The following RBM47 variants were observed in gnomAD, a reference collection of about 807,000 sequenced individuals.
The protein encoded by RBM47 is RNA binding motif protein 47, also known as RNA-binding protein 47.
In RBM47, 21 loss-of-function variants were observed where a neutral mutation model predicts 47.1. The ratio of observed to expected loss-of-function variants is 0.45; its 90% CI spans 0.32 to 0.64. RBM47 has a LOEUF of 0.64. Among genes scored for constraint, RBM47 ranks in the 30% least tolerant of loss-of-function variants. RBM47 has a pLI of 0.05. For missense variants in RBM47, 708 were observed against 870.9 expected, an observed-to-expected ratio of 0.81 and a Z score of 2.35; for synonymous variants, 375 against 361.7, an observed-to-expected ratio of 1.04 and a Z score of -0.42.
chr4:40,471,193 C>A (rs1288484016), intron 2 of RBM47, among the ~76,000 whole-genome samples: 1 of 152,160 alleles, frequency 6.6e-6, no homozygotes, highest in African/African-American at 2.4e-5. Flanking sequence ...TGGCATGCTA[C>A]ACAACTTTCT....
chr4:40,615,158 T>C (rs917522127), intron 1 of RBM47, among the ~76,000 whole-genome samples: 18 of 151,944 alleles, frequency 1.2e-4, no homozygotes, highest in African/African-American at 4.4e-4. Context: ...TAAGAAACCA[T>C]GCATGGCATA....
rs767499189 is a variant in RBM47, at chr4:40,438,841, G to A, written c.53C>T (p.Ser18Phe). The part of the protein sequence containing the change: ...AAMSSDSAAG[S>F]SAKVPEGVAG... Reference sequence around the variant, plus strand: ...CACGCCCTCGGGCACCTTGGCGGAGGACCCGGCGGCCGAGTCACTGCTCAT... The same window carrying A: ...CACGCCCTCGGGCACCTTGGCGGAGAACCCGGCGGCCGAGTCACTGCTCAT... The change falls in exon 4 of 7, where the codon TCC (serine) becomes TTC (phenylalanine). Residue 18 changes from serine (S) to phenylalanine (F), a missense_variant. By Grantham distance (155) the Ser-to-Phe change is radical. Transcript: ENST00000295971. 7.1e-6 allele frequency: 11 copies of A among 1,558,060 alleles called. No homozygotes were observed. The highest frequency in any genetic ancestry group is 2.3e-5 in the East Asian group (1 of 43,278).
chr4:40,586,575 G>A (rs934976079), intron 1 of RBM47, among the ~76,000 whole-genome samples: 14 of 150,138 alleles, frequency 9.3e-5, no homozygotes, highest in Admixed American at 2.0e-4. Flanking sequence ...TGCATATTCC[G>A]TTCTGGGTTA....
chr4:40,619,614 G>A (rs1042594541), intron 1 of RBM47, among the ~76,000 whole-genome samples: 3 of 152,072 alleles, frequency 2.0e-5, no homozygotes, highest in South Asian at 2.1e-4. Flanking sequence ...CATGCCAAGC[G>A]TTCCCAGCCT....
rs1228668040 is a variant in RBM47, at chr4:40,438,558, G to A, written c.336C>T (p.Gly112=). 6.2e-7 allele frequency: 1 copy of A among 1,613,926 alleles called. No homozygotes were observed. Among genetic ancestry groups the A allele is most frequent in the Admixed American group, 1.7e-5 (1 of 60,026 alleles). The change falls in exon 4 of 7, where the codon GGC becomes GGT. Residue 112 remains glycine (G), a synonymous_variant. Coordinates refer to ENST00000295971, the MANE Select transcript of RBM47 (RefSeq NM_001098634.2). The part of the protein sequence containing the change: ...LMMDFDGKNR[G]YAFVMYCHKH... ...TGTGGCAGTACATGACGAAGGCGTA[G>A]CCGCGGTTCTTGCCGTCAAAGTCCA...
At chr4:40,525,319 G>A (rs979138456) in intron 2 of RBM47, among the ~76,000 whole-genome samples, 4 of 152,054 alleles carry the variant, frequency 2.6e-5, no homozygotes, top group Non-Finnish European at 5.9e-5. Flanking sequence ...TACAAAATAC[G>A]ACTATTAGCA....
chr4:40,423,650 CT>C lies in RBM47; in HGVS notation c.*2253del, dbSNP rs1193309051. 1 of 134,900 alleles carries C rather than the reference CT, an allele frequency of 7.4e-6. No individual in the cohort carries two copies. The highest frequency in any genetic ancestry group is 2.8e-5 in the African/African-American group (1 of 35,402). 8.4% of individuals were successfully genotyped at this position (134,900 alleles called of 1,614,324 possible). A position where few individuals can be genotyped will look rare whatever the true frequency, so the allele number is the denominator to read the frequency against. On this transcript the variant is annotated 3_prime_UTR_variant, in exon 7 of 7. Coordinates refer to ENST00000295971, the MANE Select transcript of RBM47 (RefSeq NM_001098634.2). ...TATCATTTTTTTTTATTCTTTCTTT[CT>C]TTTTCTTTCTTTCTTTCTTTCTTTC...
chr4:40,486,069 CAAAAA>C (rs201408070), intron 2 of RBM47, among the ~76,000 whole-genome samples: 6 of 62,834 alleles, frequency 9.5e-5, no homozygotes, highest in Admixed American at 4.3e-4. Context: ...AACCCTGTTT[CAAAAA>C]AAAAAAAAAA....
chr4:40,563,972 G>A (rs993743674), intron 1 of RBM47, among the ~76,000 whole-genome samples: 2 of 152,182 alleles, frequency 1.3e-5, no homozygotes, highest in Non-Finnish European at 2.9e-5. Context: ...CGGCACTTTG[G>A]GAGGCCAAGG....
chr4:40,598,565 T>C (rs558144573), intron 1 of RBM47, among the ~76,000 whole-genome samples: 2 of 152,100 alleles, frequency 1.3e-5, no homozygotes, highest in East Asian at 3.9e-4. Flanking sequence ...CATAGAACTT[T>C]AAAATGATGC....
At chr4:40,448,270 TGTGTGTGTGAGTGTGA>T (rs1360888699) in intron 3 of RBM47, among the ~76,000 whole-genome samples, 1 of 151,358 alleles carries the variant, frequency 6.6e-6, no homozygotes, top group Admixed American at 6.6e-5. Context: ...TGTGAGAGTG[TGTGTGTGTGAGTGTGA>T]GTGTGTGTGT....
intron 2 of RBM47, among the ~76,000 whole-genome samples, chr4:40,498,213 A>T (rs1372408463): frequency 6.6e-6 from 1 of 151,732 alleles, no homozygotes; most frequent in Non-Finnish European, 1.5e-5. Flanking sequence ...ATGAATACAC[A>T]ATTGGTTTGG....
chr4:40,521,607 C>CT (rs1353463304), intron 2 of RBM47, among the ~76,000 whole-genome samples: 1 of 152,198 alleles, frequency 6.6e-6, no homozygotes, highest in East Asian at 1.9e-4. Flanking sequence ...ATTATGATTG[C>CT]TGTCTCAAGG....
chr4:40,552,059 C>T lies in RBM47; in HGVS notation c.-239-7553G>A, dbSNP rs545087146. On this transcript the variant is annotated intron_variant, in intron 1 of 6. Transcript: ENST00000295971. ...GAGAGCAATCCATCTTTATACAAGA[C>T]CTTGTTTAAAAGAAAAACATAGAGG... 9.2e-5 allele frequency among the ~76,000 whole-genome samples: 14 copies of T among 152,188 alleles called. No homozygotes were observed. In the South Asian group the frequency reaches 2.7e-3, roughly 29 times the overall value.
chr4:40,617,343 G>A (rs925675870), intron 1 of RBM47, among the ~76,000 whole-genome samples: 1 of 152,028 alleles, frequency 6.6e-6, no homozygotes, highest in African/African-American at 2.4e-5. Context: ...CGGATCACAA[G>A]GTCAGGAGAT....
intron 1 of RBM47, among the ~76,000 whole-genome samples, chr4:40,593,211 A>G (rs1373108622): frequency 1.9e-4 from 28 of 147,936 alleles, no homozygotes; most frequent in South Asian, 1.3e-3. Context: ...TGTTAGCCAG[A>G]AGGGTCTCGA....
intron 1 of RBM47, among the ~76,000 whole-genome samples, chr4:40,623,454 T>A (rs1165757848): frequency 6.6e-6 from 1 of 152,198 alleles, no homozygotes; most frequent in South Asian, 2.1e-4. Context: ...CTGTGATTCA[T>A]TGATATTCAC....
chr4:40,600,563 G>A (rs1409462616), intron 1 of RBM47, among the ~76,000 whole-genome samples: 1 of 151,308 alleles, frequency 6.6e-6, no homozygotes, highest in Non-Finnish European at 1.5e-5. Flanking sequence ...GAACCCGGGA[G>A]GCGGAGCTTG....
chr4:40,592,585 C>T (rs1023530996), intron 1 of RBM47, among the ~76,000 whole-genome samples: 15 of 151,582 alleles, frequency 9.9e-5, no homozygotes, highest in African/African-American at 1.2e-4. Context: ...ACACCATGCA[C>T]GCCGAATTTT....
Sources: allele counts gnomAD v4.1 joint callset (sites outside exome capture counted in the v4.1 genomes callset), GRCh38; gene constraint gnomAD v4.1.1; transcripts MANE v1.5; gene names NCBI Gene and HGNC (gene_info 2026-07-23, HGNC 2026-07-21).